The following PLEKHG5 variants were observed in gnomAD, a reference collection of about 807,000 sequenced individuals.
PLEKHG5 encodes pleckstrin homology domain-containing family G member 5.
Under a neutral mutation model 103.8 loss-of-function variants are expected in PLEKHG5, and 52 were observed. That is an observed-to-expected ratio of 0.50 (90% confidence interval 0.40 to 0.63). PLEKHG5 has a LOEUF of 0.63. Ranked by LOEUF, PLEKHG5 falls within the 30% of genes least tolerant of loss-of-function variation. The pLI is 0.00. For missense variants in PLEKHG5, 1,205 were observed against 1,347.6 expected (o/e 0.89, Z 1.66); for synonymous variants, 592 against 575.5 (o/e 1.03, Z -0.41).
At chr1:6,492,967 C>A (rs530581057), upstream of PLEKHG5, among the ~76,000 whole-genome samples, 1 of 151,906 alleles carries the variant, frequency 6.6e-6, no homozygotes, top group Non-Finnish European at 1.5e-5. Context: ...AATGTCCCCC[C>A]CTGCTCACTC....
chr1:6,516,755 A>G (rs529915747), intron 1 of PLEKHG5, among the ~76,000 whole-genome samples: 16 of 69,522 alleles, frequency 2.3e-4, no homozygotes, highest in East Asian at 1.8e-3. Context: ...GTGTGTGTGT[A>G]TATATATATG....
chr1:6,505,279 C>T lies in PLEKHG5; in HGVS notation c.-164-8710G>A, dbSNP rs553004502. On this transcript the variant is annotated intron_variant, in intron 1 of 21. Transcript: ENST00000377740. The surrounding 1 kb of genome is among the most constrained non-coding windows in gnomAD (Gnocchi z 4.2). ...CACTGTGCCGACCAGCCTACAGTAC[C>T]GACCAGCCCACGATGCCGACCAGCC... is the stretch of plus-strand genomic sequence containing the variant. Among the ~76,000 whole-genome samples the T allele has an allele frequency of 2.0e-5, 3 of 152,142 alleles. No individual in the cohort carries two copies. Among genetic ancestry groups the T allele is most frequent in the Non-Finnish European group, 2.9e-5 (2 of 67,976 alleles).
chr1:6,474,344 G>A, intron 6 of PLEKHG5, 107 bp downstream of exon 6: 1 of 1,433,118 alleles, frequency 7.0e-7, no homozygotes, highest in Non-Finnish European at 9.7e-7. Flanking sequence ...ATGGTAATGA[G>A]GCTGCTCAGG....
chr1:6,477,061 G>T (rs906880104), intron 2 of PLEKHG5, among the ~76,000 whole-genome samples: 2 of 152,176 alleles, frequency 1.3e-5, no homozygotes, highest in Non-Finnish European at 2.9e-5. Context: ...TCCTCCATAG[G>T]CAGTTGATGG....
rs61743372 is a variant in PLEKHG5 at position 6,472,540 on chromosome 1, C to T, written c.1067G>A (p.Arg356Gln). ...HTEASYIRKLRVIINLFLCCL... is the reference protein window; with the variant it reads ...HTEASYIRKLQVIINLFLCCL... ...GCCCCTACTCACGTTGATGATCACC[C>T]GCAGTTTCCTGATGTAGGAGGCCTC... The change falls in exon 10 of 21, where the codon CGG becomes CAG. Residue 356 changes from arginine (R) to glutamine (Q), a missense_variant. Arg to Gln is a conservative substitution (Grantham distance 43). Coordinates refer to ENST00000377728, the MANE Select transcript of PLEKHG5 (RefSeq NM_020631.6). 1.2e-5 allele frequency: 19 copies of T among 1,612,244 alleles called. No homozygotes were observed. The highest frequency in any genetic ancestry group is 1.4e-5 in the Non-Finnish European group (16 of 1,178,694).
In PLEKHG5 at chr1:6,490,514, CT is replaced by C. The variant is rs1557762443; in HGVS notation, c.-88+1122del. The C allele has an allele frequency of 4.1e-6, 4 of 985,518 alleles. No homozygotes were observed. The highest frequency in any genetic ancestry group is 4.8e-6 in the Non-Finnish European group (4 of 830,038). 61.0% of individuals were successfully genotyped at this position (985,518 alleles called of 1,614,324 possible). ...AGGCTCGGGCCGAGACTGCCAAAGC[CT>C]CATGGGGCGCGCGGGGAGAGGGGGA... is the stretch of plus-strand genomic sequence containing the variant. On this transcript the variant is annotated intron_variant, in intron 1 of 20. Transcript: ENST00000377728. This position sits in a 1 kb window ranked among gnomAD's most constrained non-coding sequence, Gnocchi z 8.0.
At chr1:6,496,100 G>T (rs1351845423), upstream of PLEKHG5, among the ~76,000 whole-genome samples, 2 of 152,212 alleles carry the variant, frequency 1.3e-5, no homozygotes, top group Admixed American at 1.3e-4. Flanking sequence ...CTGAAGAGTG[G>T]CTGAGTTCAA....
chr1:6,517,427 C>A (rs950833322), intron 1 of PLEKHG5, among the ~76,000 whole-genome samples: 1 of 152,100 alleles, frequency 6.6e-6, no homozygotes, highest in African/African-American at 2.4e-5. Flanking sequence ...CCCCCAGTGT[C>A]ACCCACACCT....
At position 6,510,204 on chromosome 1, in the gene PLEKHG5, C is replaced by T. The variant is rs186190004; in HGVS notation, c.-165+9241G>A. Among the ~76,000 whole-genome samples, 931 of 152,274 alleles carry T rather than the reference C, an allele frequency of 6.1e-3. 11 individuals are homozygous for T. The highest frequency in any genetic ancestry group is 0.021 in the African/African-American group (888 of 41,544). On this transcript the variant is annotated intron_variant, in intron 1 of 21. Coordinates refer to the PLEKHG5 transcript ENST00000377740. ...CATTATGTAATCTGGAGAGAGTGGGCGCTAGCCACTCCCCCTGCCCTCTGG... is the reference window on the plus strand; with the variant it reads ...CATTATGTAATCTGGAGAGAGTGGGTGCTAGCCACTCCCCCTGCCCTCTGG...
At chr1:6,508,501 G>A (rs1638392718) in intron 1 of PLEKHG5, among the ~76,000 whole-genome samples, 1 of 152,184 alleles carries the variant, frequency 6.6e-6, no homozygotes, top group South Asian at 2.1e-4. Flanking sequence ...GCCCCCCCAG[G>A]CCAGTGAAGC....
upstream of PLEKHG5, among the ~76,000 whole-genome samples, chr1:6,493,168 G>A (rs1029281595): frequency 4.6e-5 from 7 of 152,184 alleles, no homozygotes; most frequent in East Asian, 3.9e-4. Context: ...CCCAGAAGCC[G>A]AAGGGTCCAG....
At chr1:6,519,136 C>T (rs1638706153) in intron 1 of PLEKHG5, among the ~76,000 whole-genome samples, 2 of 152,212 alleles carry the variant, frequency 1.3e-5, no homozygotes, top group African/African-American at 4.8e-5. Context: ...GCCACTGCGC[C>T]CAGCAACCCT....
At chr1:6,506,492 G>A (rs995763083) in intron 1 of PLEKHG5, among the ~76,000 whole-genome samples, 2 of 152,186 alleles carry the variant, frequency 1.3e-5, no homozygotes, top group African/African-American at 2.4e-5. Flanking sequence ...AAAAGAGTGC[G>A]ATTGTTTCGT....
intron 1 of PLEKHG5, among the ~76,000 whole-genome samples, chr1:6,503,287 T>G (rs1569990086): frequency 6.6e-6 from 1 of 152,174 alleles, no homozygotes; most frequent in East Asian, 1.9e-4. Flanking sequence ...CCTGGTGGTG[T>G]GCACCTGCAG....
chr1:6,519,781 G>A, exon 1 of PLEKHG5: 1 of 578,216 alleles, frequency 1.7e-6, no homozygotes, highest in Non-Finnish European at 3.1e-6. Context: ...AGACTTCGCA[G>A]CCGCCGCTCA....
At chr1:6,498,391 A>C (rs536422317), upstream of PLEKHG5, among the ~76,000 whole-genome samples, 3 of 152,198 alleles carry the variant, frequency 2.0e-5, no homozygotes, top group Non-Finnish European at 4.4e-5. Context: ...ACAGGTGACC[A>C]GAAACTGGTG....
intron 1 of PLEKHG5, among the ~76,000 whole-genome samples, chr1:6,479,443 C>G (rs968268176): frequency 1.3e-5 from 2 of 151,836 alleles, no homozygotes; most frequent in African/African-American, 4.8e-5. Context: ...CCCGCCACCA[C>G]GCCCGGCTAA....
chr1:6,519,787 G>A (rs753636809), exon 1 of PLEKHG5: 18 of 546,098 alleles, frequency 3.3e-5, no homozygotes, highest in Non-Finnish European at 4.6e-5. Flanking sequence ...CGCAGCCGCC[G>A]CTCACACTGC....
chr1:6,504,948 C>T (rs954911634), intron 1 of PLEKHG5, among the ~76,000 whole-genome samples: 16 of 152,146 alleles, frequency 1.1e-4, no homozygotes, highest in African/African-American at 1.2e-4. Flanking sequence ...CAGGCTGAAC[C>T]GTCACTCTCC....
Sources: gnomAD v4.1 joint callset for allele counts (sites outside exome capture counted in the v4.1 genomes callset) on GRCh38, gnomAD v4.1.1 for gene constraint, Gnocchi (gnomAD v3.1) non-coding constraint, MANE v1.5 for transcripts, NCBI Gene and HGNC (gene_info 2026-07-23, HGNC 2026-07-21) for gene names.